CTNNA3: variants seen among roughly 807,000 people sequenced by gnomAD.
CTNNA3 encodes the protein catenin alpha 3, also known as catenin alpha-3.
Under a neutral mutation model 95.7 loss-of-function variants are expected in CTNNA3, and 76 were observed. That is an observed-to-expected ratio of 0.79 (90% CI 0.66 to 0.96). The LOEUF (loss-of-function observed/expected upper bound fraction) is 0.96. Among genes scored for constraint, CTNNA3 ranks in the 40% least tolerant of loss-of-function variants. The probability of loss-of-function intolerance (pLI) is 0.00; values close to 1 mark genes in which losing one functional copy is unlikely to be tolerated. For missense variants in CTNNA3, 1,191 were observed against 1,089.8 expected (o/e 1.09, Z -1.31); for synonymous variants, 431 against 374.4 (o/e 1.15, Z -1.74).
intron 11 of CTNNA3, among the ~76,000 whole-genome samples, chr10:66,386,666 T>C (rs1278800883): frequency 6.6e-6 from 1 of 152,136 alleles, no homozygotes; most frequent in Non-Finnish European, 1.5e-5. Flanking sequence ...ATAACAAAGC[T>C]GGAGGCATCA....
At chr10:67,594,712 T>A (rs1321283780) in intron 3 of CTNNA3, among the ~76,000 whole-genome samples, 1 of 152,168 alleles carries the variant, frequency 6.6e-6, no homozygotes, top group Non-Finnish European at 1.5e-5. Context: ...ACTTTAGGTT[T>A]CATTGATTTT....
At chr10:67,426,824 T>C (rs1383875377) in intron 5 of CTNNA3, among the ~76,000 whole-genome samples, 1 of 150,726 alleles carries the variant, frequency 6.6e-6, no homozygotes, top group Admixed American at 6.6e-5. Flanking sequence ...AAAAAGAAAG[T>C]TGTTAAGTAG....
chr10:65,969,594 G>A (rs1054509130), intron 16 of CTNNA3, among the ~76,000 whole-genome samples: 2 of 152,010 alleles, frequency 1.3e-5, no homozygotes, highest in Admixed American at 1.3e-4. Flanking sequence ...CAGAGATTCT[G>A]GAATTAAAAA....
At chr10:67,306,922 T>C (rs764089956) in intron 5 of CTNNA3, among the ~76,000 whole-genome samples, 3 of 152,168 alleles carry the variant, frequency 2.0e-5, no homozygotes, top group Admixed American at 6.6e-5. Context: ...ATGTAAGTGT[T>C]CATGGGAAGT....
At chr10:67,192,615 C>T (rs984998179) in intron 6 of CTNNA3, among the ~76,000 whole-genome samples, 4 of 151,450 alleles carry the variant, frequency 2.6e-5, no homozygotes, top group African/African-American at 4.8e-5. Context: ...ATATTTGAGA[C>T]GATGTGGAGA....
intron 10 of CTNNA3, among the ~76,000 whole-genome samples, chr10:66,604,459 A>G (rs1051623815): frequency 4.6e-5 from 7 of 152,234 alleles, no homozygotes; most frequent in African/African-American, 9.6e-5. Context: ...GCACCCTGCC[A>G]TGCTGTGGCT....
At chr10:66,600,339 G>C (rs10997255) in intron 10 of CTNNA3, among the ~76,000 whole-genome samples, 4,913 of 151,726 alleles carry the variant, frequency 0.032, 285 homozygotes, top group African/African-American at 0.11. Context: ...TTAAAATTCA[G>C]TCAAATTGTT....
intron 11 of CTNNA3, among the ~76,000 whole-genome samples, chr10:66,470,859 A>G (rs904404160): frequency 1.3e-5 from 2 of 151,912 alleles, no homozygotes; most frequent in Non-Finnish European, 2.9e-5. Context: ...GAGGTAAAAA[A>G]ATATGTATAT....
At chr10:67,169,907 A>C (rs1861938179) in intron 7 of CTNNA3, among the ~76,000 whole-genome samples, 1 of 152,236 alleles carries the variant, frequency 6.6e-6, no homozygotes, top group African/African-American at 2.4e-5. Flanking sequence ...AGCATCTATA[A>C]GAGACTTAAA....
chr10:66,363,988 G>T (rs79024050), intron 12 of CTNNA3, among the ~76,000 whole-genome samples: 2,301 of 152,120 alleles, frequency 0.015, 56 homozygotes, highest in African/African-American at 0.053. Flanking sequence ...GCTTAGACTG[G>T]TTAAGTAATT....
chr10:67,061,113 G>A (rs537791041), intron 7 of CTNNA3, among the ~76,000 whole-genome samples: 8 of 152,118 alleles, frequency 5.3e-5, no homozygotes, highest in South Asian at 2.1e-4. Flanking sequence ...AAAAATTAAC[G>A]GTTTGGGGAA....
chr10:66,384,162 A>G (rs1315538464), intron 11 of CTNNA3, among the ~76,000 whole-genome samples: 1 of 152,174 alleles, frequency 6.6e-6, no homozygotes, highest in Non-Finnish European at 1.5e-5. Flanking sequence ...ATGTTGGATA[A>G]AGAGTCAAAA....
At chr10:66,902,248 C>A (rs1248111139) in intron 7 of CTNNA3, among the ~76,000 whole-genome samples, 18 of 152,178 alleles carry the variant, frequency 1.2e-4, no homozygotes, top group Admixed American at 1.2e-3. Flanking sequence ...CACACAGCTA[C>A]ATGGAAACTG....
At chr10:66,548,776 G>A (rs2659985) in intron 10 of CTNNA3, among the ~76,000 whole-genome samples, 151,487 of 152,094 alleles carry the variant, frequency 1, 75,445 homozygotes, top group Middle Eastern at 1. Context: ...TGAAAAATAT[G>A]TATCTTTCTT....
At chr10:66,308,985 C>G (rs1304904157) in intron 12 of CTNNA3, among the ~76,000 whole-genome samples, 7 of 152,096 alleles carry the variant, frequency 4.6e-5, no homozygotes, top group Non-Finnish European at 1.0e-4. Flanking sequence ...GCTTAATATG[C>G]TATTTCAGCC....
intron 5 of CTNNA3, among the ~76,000 whole-genome samples, chr10:67,227,361 G>T (rs529212317): frequency 9.9e-5 from 15 of 152,124 alleles, no homozygotes; most frequent in Non-Finnish European, 2.2e-4. Context: ...AAAGTGCTGG[G>T]ATTAAAGGCC....
intron 9 of CTNNA3, among the ~76,000 whole-genome samples, chr10:66,637,088 T>C (rs183442111): frequency 1.1e-4 from 17 of 152,270 alleles, no homozygotes; most frequent in Middle Eastern, 3.4e-3. Context: ...AATGTGTTGA[T>C]AGAAAACATA....
chr10:66,900,709 G>C (rs1489873637), intron 7 of CTNNA3, among the ~76,000 whole-genome samples: 1 of 152,142 alleles, frequency 6.6e-6, no homozygotes, highest in Non-Finnish European at 1.5e-5. Flanking sequence ...GAAAACCATG[G>C]CATGAGAACT....
intron 6 of CTNNA3, among the ~76,000 whole-genome samples, chr10:67,191,286 A>G (rs1863107965): frequency 1.3e-5 from 2 of 152,106 alleles, no homozygotes; most frequent in East Asian, 3.9e-4. Context: ...TAAAAGGCAT[A>G]CAAATCAGGA....
Sources: allele counts gnomAD v4.1 joint callset (sites outside exome capture counted in the v4.1 genomes callset), GRCh38; gene constraint gnomAD v4.1.1; transcripts MANE v1.5; gene names NCBI Gene and HGNC (gene_info 2026-07-23, HGNC 2026-07-21).